Variants in TET1 observed in about 807,000 individuals in gnomAD.
TET1 encodes the protein tet methylcytosine dioxygenase 1.
A neutral mutation model predicts 148.7 loss-of-function variants in TET1; 13 were observed. The ratio of observed to expected loss-of-function variants is 0.09; its 90% CI spans 0.06 to 0.14. The LOEUF (loss-of-function observed/expected upper bound fraction) is 0.14. Among genes scored for constraint, TET1 ranks in the 10% least tolerant of loss-of-function variants. The probability of loss-of-function intolerance (pLI) is 1.00; values close to 1 mark genes in which losing one functional copy is unlikely to be tolerated. For missense variants in TET1, 2,182 were observed against 2,553.8 expected (o/e 0.85, Z 3.14); for synonymous variants, 907 against 937.2 (o/e 0.97, Z 0.59).
chr10:68,651,807 T>C, intron 4 of TET1, 39 bp from the exon 5 acceptor site: 1 of 1,517,698 alleles, frequency 6.6e-7, no homozygotes, highest in Non-Finnish European at 9.0e-7. Context: ...TATGCAATTC[T>C]GTAAAGCTTT....
chr10:68,645,311 A>G lies in TET1; in HGVS notation c.2582A>G (p.Asn861Ser). The change falls in exon 4 of 12, where the codon AAT becomes AGT. Residue 861 changes from asparagine (N) to serine (S), a missense_variant. Asn to Ser is a conservative substitution (Grantham distance 46). Transcript: ENST00000373644. ...GGTGATCAACCAAAAACTCCTGAGA[A>G]TATACCAAGTAAAGAACCAAAAGAT... ...NEGDQPKTPENIPSKEPKDGS... is the reference protein window; with the variant it reads ...NEGDQPKTPESIPSKEPKDGS... The G allele has an allele frequency of 6.2e-7, 1 of 1,614,198 alleles. No homozygotes were observed. The highest frequency in any genetic ancestry group is 1.1e-5 in the South Asian group (1 of 91,086).
chr10:68,646,840 A>T lies in TET1; in HGVS notation c.4111A>T (p.Ser1371Cys). Reference sequence around the variant, plus strand: ...TGGAATTACAGTGGTTTCTACCAAAAGTGAAGAGGAAGTCTGTTCATCCAG... The same window carrying T: ...TGGAATTACAGTGGTTTCTACCAAATGTGAAGAGGAAGTCTGTTCATCCAG... ...SGGITVVSTK[S>C]EEEVCSSSFG... is the part of the protein sequence containing the mutation. The change falls in exon 4 of 12, where the codon AGT becomes TGT. Residue 1371 changes from serine to cysteine, a missense_variant. Ser to Cys is a moderately radical substitution (Grantham distance 112). Transcript: ENST00000373644. 6.2e-7 allele frequency: 1 copy of T among 1,614,230 alleles called. No individual in the cohort carries two copies. The highest frequency in any genetic ancestry group is 8.5e-7 in the Non-Finnish European group (1 of 1,180,036).
chr10:68,640,835 G>A (rs1423002862), intron 3 of TET1, among the ~76,000 whole-genome samples: 1 of 151,458 alleles, frequency 6.6e-6, no homozygotes, highest in Non-Finnish European at 1.5e-5. Context: ...ACAGGTGTGA[G>A]CCACCACCCA....
At chr10:68,656,429 A>AT (rs1456521054) in intron 6 of TET1, among the ~76,000 whole-genome samples, 2 of 151,970 alleles carry the variant, frequency 1.3e-5, no homozygotes, top group Non-Finnish European at 2.9e-5. Flanking sequence ...CACCTGGCTA[A>AT]TTTTTTGTAT....
In TET1 at chr10:68,573,366, C is replaced by T. The variant is rs972522658; in HGVS notation, c.1028C>T (p.Pro343Leu). The T allele has an allele frequency of 1.2e-6, 2 of 1,614,070 alleles. No homozygotes were observed. Among genetic ancestry groups the T allele is most frequent in the Non-Finnish European group, 1.7e-6 (2 of 1,180,022 alleles). Reference sequence around the variant, plus strand: ...AAACAAGCGACCCTTGGTGCTAAACCAGATCATCAAGAGGCCTTCGAAGCT... The same window carrying T: ...AAACAAGCGACCCTTGGTGCTAAACTAGATCATCAAGAGGCCTTCGAAGCT... Reference protein sequence around the residue: ...GSKQATLGAKPDHQEAFEATA... With the variant: ...GSKQATLGAKLDHQEAFEATA... Residue 343 changes from proline to leucine, a missense_variant, in exon 2 of 12, where the codon CCA (proline) becomes CTA (leucine). This residue lies in a region of TET1 where 665 missense variants were observed against 672.4 expected (regional missense o/e 0.99). Transcript: ENST00000373644.
At chr10:68,673,168 GT>G in intron 8 of TET1, 123 bp downstream of exon 8, 2 of 626,812 alleles carry the variant, frequency 3.2e-6, no homozygotes, top group Non-Finnish European at 4.7e-6. Flanking sequence ...TAATCAAATA[GT>G]AAAATTATAT....
intron 3 of TET1, among the ~76,000 whole-genome samples, chr10:68,624,663 TCTC>T (rs1564975126): frequency 0.076 from 7,188 of 94,912 alleles, 328 homozygotes; most frequent in Non-Finnish European, 0.095. Flanking sequence ...TTTCTTTCTC[TCTC>T]TCTCTCTCTC....
At chr10:68,650,545 CG>C (rs71019046) in intron 4 of TET1, among the ~76,000 whole-genome samples, 11,254 of 152,022 alleles carry the variant, frequency 0.074, 640 homozygotes, top group South Asian at 0.18. Context: ...ACAGGAGAAT[CG>C]CTTGAACCCA....
intron 8 of TET1, among the ~76,000 whole-genome samples, chr10:68,675,389 A>G (rs1340439377): frequency 6.6e-6 from 1 of 152,210 alleles, no homozygotes; most frequent in Non-Finnish European, 1.5e-5. Context: ...AAGCAAGAAC[A>G]AACATCAAAT....
chr10:68,574,258 C>T lies in TET1; in HGVS notation c.1914+6C>T. The T allele has an allele frequency of 6.2e-7, 1 of 1,607,088 alleles. No homozygotes were observed. Among genetic ancestry groups the T allele is most frequent in the East Asian group, 2.2e-5 (1 of 44,848 alleles). On this transcript the variant is annotated splice_donor_region_variant and intron_variant, in intron 2 of 11. Coordinates refer to ENST00000373644, the MANE Select transcript of TET1 (RefSeq NM_030625.3). ...CTGTTGTTGTGCCTCTGGAGGTAAG[C>T]AAACAGTCAAGGGGCTGGGAGACAG...
At chr10:68,674,453 G>A (rs1589128848) in intron 8 of TET1, 1 of 388,812 alleles carries the variant, frequency 2.6e-6, no homozygotes, top group East Asian at 5.8e-5. Context: ...ATATTGGGAA[G>A]ACACTAGTCA....
chr10:68,647,941 AGT>A (rs1220836738), intron 4 of TET1, among the ~76,000 whole-genome samples: 1 of 152,218 alleles, frequency 6.6e-6, no homozygotes. Context: ...TGCAATACAA[AGT>A]GTACTTATGT....
chr10:68,597,249 G>T (rs1404745340), intron 2 of TET1, among the ~76,000 whole-genome samples: 1 of 151,748 alleles, frequency 6.6e-6, no homozygotes, highest in African/African-American at 2.4e-5. Context: ...GGCCAGGCTG[G>T]TCTTGAACTC....
rs1222112424 is a variant in TET1, at chr10:68,691,473, C to T, written c.6070C>T (p.Arg2024Trp). The T allele has an allele frequency of 1.9e-6, 3 of 1,613,898 alleles. No individual in the cohort carries two copies. Among genetic ancestry groups the T allele is most frequent in the Non-Finnish European group, 2.5e-6 (3 of 1,180,014 alleles). ...CGGCTCGGTTTTGATTGAGTGTGCC[C>T]GGCGAGAGCTGCACGCTACCACTCC... ...AHGSVLIECA[R>W]RELHATTPVE... The change falls in exon 12 of 12, where the codon CGG becomes TGG. Residue 2024 changes from arginine to tryptophan, a missense_variant. By Grantham distance (101) the Arg-to-Trp change is moderately radical (BLOSUM62 -3). Coordinates refer to ENST00000373644, the MANE Select transcript of TET1 (RefSeq NM_030625.3). This position sits in a 1 kb window ranked among gnomAD's most constrained non-coding sequence, Gnocchi z 4.4.
Position 68,580,313 on chromosome 10 carries a change from A to ATTTTTTTT in TET1, c.1914+6079_1914+6086dup, listed in dbSNP as rs1163318028. The stretch of plus-strand genomic sequence containing the variant: ...AACCAATGCATTTTTATTATATTCA[A>ATTTTTTTT]TTTTTTTTTTTTTTTTTTTTTTTTT... On this transcript the variant is annotated intron_variant, in intron 2 of 11. Coordinates refer to ENST00000373644, the MANE Select transcript of TET1 (RefSeq NM_030625.3). Among the ~76,000 whole-genome samples the ATTTTTTTT allele has an allele frequency of 7.9e-4, 48 of 60,436 alleles. 1 individual carries two copies. The highest frequency in any genetic ancestry group is 1.1e-3 in the Non-Finnish European group (38 of 34,482). The allele number at this position is 60,436 out of a possible 152,430, so 39.6% of individuals were successfully genotyped here.
chr10:68,637,518 C>CTTT (rs34260111), intron 3 of TET1, among the ~76,000 whole-genome samples: 7,947 of 106,276 alleles, frequency 0.075, 497 homozygotes, highest in Non-Finnish European at 0.099. Context: ...GTTTCCTATT[C>CTTT]TTTTTTTTTT....
Position 68,691,641 on chromosome 10 carries a change from G to C in TET1, c.6238G>C (p.Ala2080Pro). Residue 2080 changes from alanine (A) to proline (P), a missense_variant, in exon 12 of 12, where the codon GCC (alanine) becomes CCC (proline). Around this residue, in one of 11 missense-constraint regions of TET1, gnomAD observed 54 missense variants for 44.4 expected, o/e 1.22. Coordinates refer to ENST00000373644, the MANE Select transcript of TET1 (RefSeq NM_030625.3). This position sits in a 1 kb window ranked among gnomAD's most constrained non-coding sequence, Gnocchi z 4.4. ...AGAAGCTAAGAATAAGAAAATGAAG[G>C]CCTCAGAGCAAAAAGACCAGGCAGC... ...AKEAKNKKMK[A>P]SEQKDQAANE... 6.2e-7 allele frequency: 1 copy of C among 1,614,132 alleles called. No homozygotes were observed. Among genetic ancestry groups the C allele is most frequent in the Middle Eastern group, 1.6e-4 (1 of 6,062 alleles).
intron 3 of TET1, among the ~76,000 whole-genome samples, chr10:68,610,776 C>T (rs912450171): frequency 6.6e-6 from 1 of 151,950 alleles, no homozygotes; most frequent in Non-Finnish European, 1.5e-5. Flanking sequence ...TTACTTCAGC[C>T]TCCCAAATAG....
chr10:68,691,589 A>G lies in TET1; in HGVS notation c.6186A>G (p.Glu2062=). The change falls in exon 12 of 12, where the codon GAA becomes GAG. Residue 2062 remains glutamate (E), a synonymous_variant. Coordinates refer to ENST00000373644, the MANE Select transcript of TET1 (RefSeq NM_030625.3). The surrounding 1 kb of genome is among the most constrained non-coding windows in gnomAD (Gnocchi z 4.4). ...TAAATAAGCCCCAACATGGTTTTGA[A>G]CTAAACAAGATTAAGTTTGAGGCTA... ...KNLNKPQHGF[E]LNKIKFEAKE... 1 of 1,614,204 alleles carries G rather than the reference A, an allele frequency of 6.2e-7. No individual in the cohort carries two copies. The highest frequency in any genetic ancestry group is 8.5e-7 in the Non-Finnish European group (1 of 1,180,036).
Sources: allele counts gnomAD v4.1 joint callset (sites outside exome capture counted in the v4.1 genomes callset), GRCh38; gene constraint gnomAD v4.1.1; regional missense constraint gnomAD v4.1.1; non-coding constraint Gnocchi (gnomAD v3.1); transcripts MANE v1.5; gene names NCBI Gene and HGNC (gene_info 2026-07-23, HGNC 2026-07-21).